The following NDST4 variants were observed in gnomAD, a reference collection of about 807,000 sequenced individuals.
The protein encoded by NDST4 is N-heparan sulfate sulfotransferase 4.
A neutral mutation model predicts 100.8 loss-of-function variants in NDST4; 63 were observed. That is an observed-to-expected ratio of 0.62 (90% CI 0.51 to 0.77). The LOEUF is 0.77. Ranked by LOEUF, NDST4 falls within the 30% of genes least tolerant of loss-of-function variation. NDST4 has a pLI of 0.00. For synonymous variants in NDST4, 377 were observed against 361.8 expected (o/e 1.04, Z -0.48); for missense variants, 943 against 1,018.4 (o/e 0.93, Z 1.01).
chr4:114,913,709 GGGTT>G (rs1725109126), intron 6 of NDST4, among the ~76,000 whole-genome samples: 1 of 146,394 alleles, frequency 6.8e-6, no homozygotes, highest in Admixed American at 6.9e-5. Context: ...GAACCCCTGT[GGGTT>G]AATAAACCTA....
rs543904375 is a variant in NDST4 at position 115,075,042 on chromosome 4, C to A, written c.978+1017G>T. ...CACCTAATCTAGTGTAACATATTGGCTTTATTTTTATTTAGTAGCAATCAC... is the reference window on the plus strand; with the variant it reads ...CACCTAATCTAGTGTAACATATTGGATTTATTTTTATTTAGTAGCAATCAC... On this transcript the variant is annotated intron_variant, in intron 2 of 13. Transcript: ENST00000264363. 9.9e-5 allele frequency among the ~76,000 whole-genome samples: 15 copies of A among 152,142 alleles called. No individual in the cohort carries two copies. The South Asian group carries it at 1.5e-3, about 15-fold the overall frequency.
intron 7 of NDST4, among the ~76,000 whole-genome samples, chr4:114,870,139 G>GCT (rs1724115975): frequency 6.6e-6 from 1 of 152,122 alleles, no homozygotes; most frequent in Non-Finnish European, 1.5e-5. Flanking sequence ...CCAAGAAGCA[G>GCT]ATAGTTTACA....
intron 11 of NDST4, among the ~76,000 whole-genome samples, chr4:114,839,063 G>T (rs1723369839): frequency 6.6e-6 from 1 of 152,114 alleles, no homozygotes; most frequent in Non-Finnish European, 1.5e-5. Flanking sequence ...ATCACATGAT[G>T]TCTCCTGTAT....
intron 6 of NDST4, among the ~76,000 whole-genome samples, chr4:114,878,983 G>A (rs1724312920): frequency 6.6e-6 from 1 of 151,834 alleles, no homozygotes; most frequent in Non-Finnish European, 1.5e-5. Context: ...GACTAACTTT[G>A]ATACCTAATA....
chr4:114,899,764 G>A (rs1207191751), intron 6 of NDST4, among the ~76,000 whole-genome samples: 1 of 151,928 alleles, frequency 6.6e-6, no homozygotes, highest in Non-Finnish European at 1.5e-5. Flanking sequence ...TTACATCTTT[G>A]TTCATAAGAT....
rs1325015260 is a variant in NDST4, at chr4:115,022,205, ACGTCTATGCACGTTCCATATATATATACG to A, written c.979-44960_979-44932del. On this transcript the variant is annotated intron_variant, in intron 2 of 13. Transcript: ENST00000264363. ...CACGTTCCATATATATACACGTTCC[ACGTCTATGCACGTTCCATATATATATACG>A]TTCCACGTCTATGCACGTTCCATAT... Among the ~76,000 whole-genome samples the A allele has an allele frequency of 1.9e-3, 282 of 149,856 alleles. 1 individual carries two copies. Among genetic ancestry groups the A allele is most frequent in the African/African-American group, 4.9e-3 (197 of 40,496 alleles).
chr4:115,050,075 A>G (rs1476738056), intron 2 of NDST4, among the ~76,000 whole-genome samples: 1 of 152,054 alleles, frequency 6.6e-6, no homozygotes, highest in East Asian at 1.9e-4. Flanking sequence ...CTTTACTTTA[A>G]TATCTTGCTT....
intron 7 of NDST4, among the ~76,000 whole-genome samples, chr4:114,856,026 G>GGA (rs1319137301): frequency 6.6e-6 from 1 of 151,678 alleles, no homozygotes; most frequent in Admixed American, 6.6e-5. Flanking sequence ...ATTTTTAACT[G>GGA]GAGAGAGAGT....
At chr4:115,001,393 G>A (rs149562151) in intron 2 of NDST4, among the ~76,000 whole-genome samples, 169 of 151,966 alleles carry the variant, frequency 1.1e-3, no homozygotes, top group Admixed American at 2.4e-3. Flanking sequence ...CTAATGCTGC[G>A]GAGAGCACAA....
chr4:114,843,028 T>G (rs990162903), intron 10 of NDST4, among the ~76,000 whole-genome samples: 4 of 152,140 alleles, frequency 2.6e-5, no homozygotes, highest in East Asian at 1.9e-4. Context: ...TATCATATGA[T>G]GTAGTACTAG....
chr4:114,978,743 T>C lies in NDST4; in HGVS notation c.979-1469A>G, dbSNP rs772471211. Among the ~76,000 whole-genome samples the C allele has an allele frequency of 4.6e-4, 70 of 152,078 alleles. 1 individual carries two copies. The highest frequency in any genetic ancestry group is 9.3e-4 in the Non-Finnish European group (63 of 67,946). On this transcript the variant is annotated intron_variant, in intron 2 of 13. Transcript: ENST00000264363. Reference sequence around the variant, plus strand: ...GTATTCCATGCACAATTTCTTAGTCTCCTTATCTTGATTTTTAAAAAAATT... The same window carrying C: ...GTATTCCATGCACAATTTCTTAGTCCCCTTATCTTGATTTTTAAAAAAATT...
In NDST4 at chr4:114,833,467, G is replaced by A. The variant is rs149530056; in HGVS notation, c.2396+139C>T. On this transcript the variant is annotated intron_variant, in intron 12 of 13. Coordinates refer to ENST00000264363, the MANE Select transcript of NDST4 (RefSeq NM_022569.3). ...AAGAGAAACACTACATGATTGATGA[G>A]GATATTCCTTTGATTGCTTGTAGGT... 91 of 629,514 alleles carry A rather than the reference G, an allele frequency of 1.4e-4. No homozygotes were observed. In the African/African-American group the frequency reaches 1.6e-3, roughly 11 times the overall value. 39.0% of individuals were successfully genotyped at this position (629,514 alleles called of 1,614,324 possible).
rs192115251 is a variant in NDST4, at chr4:114,846,679, G to T, written c.1941-682C>A. Among the ~76,000 whole-genome samples the T allele has an allele frequency of 5.3e-5, 8 of 152,224 alleles. No homozygotes were observed. In the East Asian group the frequency reaches 9.7e-4, roughly 18 times the overall value. Reference sequence around the variant, plus strand: ...ATCAATATGTTCTGAGGTTAATTCAGTGCAAGTCTTTAATTATGTGTGTAA... The same window carrying T: ...ATCAATATGTTCTGAGGTTAATTCATTGCAAGTCTTTAATTATGTGTGTAA... On this transcript the variant is annotated intron_variant, in intron 9 of 13. Transcript: ENST00000264363.
At position 114,845,870 on chromosome 4, in the gene NDST4, T is replaced by C. The variant is rs1484449423; in HGVS notation, c.2068A>G (p.Ile690Val). Residue 690 changes from isoleucine to valine, a missense_variant, in exon 10 of 14, where the codon ATC (isoleucine) becomes GTC (valine). Physicochemically the swap from Ile to Val is conservative, Grantham distance 29. Transcript: ENST00000264363. ...TCTGAGGGGTCAATGAGGATGGTGA[T>C]GATCTTGGCTTTGGGGACAAGAGAT... is the stretch of plus-strand genomic sequence containing the variant. ...AASLVPKAKIITILIDPSDRA... is the reference protein window; with the variant it reads ...AASLVPKAKIVTILIDPSDRA... 6.2e-7 allele frequency: 1 copy of C among 1,614,164 alleles called. No homozygotes were observed. Among genetic ancestry groups the C allele is most frequent in the Non-Finnish European group, 8.5e-7 (1 of 1,180,018 alleles).
intron 1 of NDST4, among the ~76,000 whole-genome samples, chr4:115,077,826 T>C (rs1729219996): frequency 1.3e-5 from 2 of 152,184 alleles, no homozygotes; most frequent in Admixed American, 1.3e-4. Flanking sequence ...GGGAGCCACT[T>C]GGCCCTCTTC....
chr4:114,904,951 G>A (rs1293512200), intron 6 of NDST4, among the ~76,000 whole-genome samples: 1 of 151,800 alleles, frequency 6.6e-6, no homozygotes, highest in East Asian at 1.9e-4. Flanking sequence ...CTTTGGTAAT[G>A]GATTATTGAG....
intron 2 of NDST4, among the ~76,000 whole-genome samples, chr4:115,045,285 T>C (rs1005345291): frequency 6.6e-6 from 1 of 152,150 alleles, no homozygotes; most frequent in African/African-American, 2.4e-5. Flanking sequence ...CCAATCTTTA[T>C]ATAGGTTTTA....
intron 2 of NDST4, among the ~76,000 whole-genome samples, chr4:114,982,684 C>A (rs1459715379): frequency 6.6e-6 from 1 of 152,182 alleles, no homozygotes; most frequent in Non-Finnish European, 1.5e-5. Context: ...GGGAGGAATT[C>A]AAGCCCAAGC....
At chr4:115,085,616 T>C (rs903025288) in intron 1 of NDST4, among the ~76,000 whole-genome samples, 7 of 152,172 alleles carry the variant, frequency 4.6e-5, no homozygotes, top group Admixed American at 1.3e-4. Context: ...GACTGTTTTA[T>C]AAGGTGATTT....
Sources: allele counts gnomAD v4.1 joint callset (sites outside exome capture counted in the v4.1 genomes callset), GRCh38; gene constraint gnomAD v4.1.1; transcripts MANE v1.5; gene names NCBI Gene and HGNC (gene_info 2026-07-23, HGNC 2026-07-21).